IFT80: variants seen among roughly 807,000 people sequenced by gnomAD.
IFT80 encodes the protein intraflagellar transport 80.
A neutral mutation model predicts 107.9 loss-of-function variants in IFT80; 79 were observed. That is an observed-to-expected ratio of 0.73 (90% CI 0.61 to 0.88). IFT80 has a LOEUF of 0.88. Ranked by LOEUF, IFT80 falls within the 40% of genes least tolerant of loss-of-function variation. The pLI is 0.00. For missense variants in IFT80, 797 were observed against 914.2 expected (o/e 0.87, Z 1.65); for synonymous variants, 299 against 300.9 (o/e 0.99, Z 0.07).
At chr3:160,304,807 C>T (rs1330321040) in intron 10 of IFT80, among the ~76,000 whole-genome samples, 1 of 152,132 alleles carries the variant, frequency 6.6e-6, no homozygotes, top group East Asian at 1.9e-4. Context: ...TGATGACTTA[C>T]ATTTTGTCTG....
At chr3:160,385,911 A>C (rs370290889) in intron 1 of IFT80, among the ~76,000 whole-genome samples, 2 of 152,222 alleles carry the variant, frequency 1.3e-5, no homozygotes, top group South Asian at 2.1e-4. Context: ...GCAGATAAAT[A>C]TTTGCTTCTG....
intron 11 of IFT80, among the ~76,000 whole-genome samples, chr3:160,301,758 A>G (rs777264066): frequency 2.0e-5 from 3 of 151,932 alleles, no homozygotes; most frequent in Non-Finnish European, 2.9e-5. Flanking sequence ...TTCCTTTGAA[A>G]ATTTATGAAT....
At chr3:160,288,034 T>C (rs558438305) in intron 12 of IFT80, among the ~76,000 whole-genome samples, 17 of 152,302 alleles carry the variant, frequency 1.1e-4, no homozygotes, top group African/African-American at 4.1e-4. Flanking sequence ...GAAAAAAATC[T>C]TTAAACAGTT....
chr3:160,277,277 T>C (rs751156760), intron 18 of IFT80, 29 bp downstream of exon 18: 1 of 1,594,816 alleles, frequency 6.3e-7, no homozygotes, highest in Non-Finnish European at 8.6e-7. Context: ...CAAACAGATT[T>C]TGGAACTGAT....
At chr3:160,380,352 G>A (rs1461417974) in intron 3 of IFT80, among the ~76,000 whole-genome samples, 2 of 152,048 alleles carry the variant, frequency 1.3e-5, no homozygotes, top group African/African-American at 2.4e-5. Context: ...TATGACCCAA[G>A]CTCATTAAGG....
intron 5 of IFT80, chr3:160,373,676 GGGGTGATGGGA>G (rs1474621069): frequency 5.8e-6 from 1 of 172,634 alleles, no homozygotes; most frequent in Non-Finnish European, 1.2e-5. Context: ...GTCACTGCTG[GGGGTGATGGGA>G]GACAGTGACA....
At chr3:160,259,355 C>T (rs1343983866) in intron 19 of IFT80, among the ~76,000 whole-genome samples, 3 of 152,172 alleles carry the variant, frequency 2.0e-5, no homozygotes, top group African/African-American at 4.8e-5. Flanking sequence ...AAAAGTGGAC[C>T]GGACTCTGGT....
chr3:160,315,086 AGGGAAAAAG>A, intron 9 of IFT80, among the ~76,000 whole-genome samples: 1 of 97,410 alleles, frequency 1.0e-5, no homozygotes, highest in South Asian at 4.0e-4. Context: ...GGAGGGAGGG[AGGGAAAAAG>A]AGAGAGAGAA....
At chr3:160,277,049 G>C (rs1714322138) in intron 18 of IFT80, among the ~76,000 whole-genome samples, 2 of 152,122 alleles carry the variant, frequency 1.3e-5, no homozygotes, top group South Asian at 4.1e-4. Context: ...ATGGTATGGT[G>C]TCATGATCTC....
chr3:160,322,606 A>G lies in IFT80; in HGVS notation c.778-2667T>C, dbSNP rs1209334148. Among the ~76,000 whole-genome samples the G allele has an allele frequency of 1.1e-4, 17 of 152,194 alleles. No individual in the cohort carries two copies. In the East Asian group the frequency reaches 1.4e-3, roughly 12 times the overall value. On this transcript the variant is annotated intron_variant, in intron 8 of 19. Transcript: ENST00000326448. Reference sequence around the variant, plus strand: ...TCTAGTTCTAGATCCCTGAGGAATCACCACACTGACTTCCACAAGGGTTGA... The same window carrying G: ...TCTAGTTCTAGATCCCTGAGGAATCGCCACACTGACTTCCACAAGGGTTGA...
At chr3:160,294,856 T>C (rs1427527112) in intron 12 of IFT80, among the ~76,000 whole-genome samples, 1 of 152,182 alleles carries the variant, frequency 6.6e-6, no homozygotes, top group Non-Finnish European at 1.5e-5. Flanking sequence ...TTTTTAGAGT[T>C]AGTGGAGGAA....
At chr3:160,279,531 AT>A (rs1714527871) in intron 15 of IFT80, among the ~76,000 whole-genome samples, 167 bp from the exon 16 acceptor site, 1 of 152,236 alleles carries the variant, frequency 6.6e-6, no homozygotes, top group Non-Finnish European at 1.5e-5. Context: ...TTCAAAAAAA[AT>A]TTCAATGTAT....
At chr3:160,328,317 C>A (rs1044776627) in intron 8 of IFT80, among the ~76,000 whole-genome samples, 2 of 151,858 alleles carry the variant, frequency 1.3e-5, no homozygotes, top group Non-Finnish European at 2.9e-5. Context: ...CAAAAATTAG[C>A]CAGGCATGGT....
intron 12 of IFT80, among the ~76,000 whole-genome samples, chr3:160,297,842 T>C (rs1173770652): frequency 1.3e-5 from 2 of 152,260 alleles, no homozygotes; most frequent in East Asian, 3.9e-4. Flanking sequence ...CGTCTACTTT[T>C]TCCATAACTG....
chr3:160,261,778 G>T (rs1712855797), intron 19 of IFT80, among the ~76,000 whole-genome samples: 1 of 149,196 alleles, frequency 6.7e-6, no homozygotes, highest in African/African-American at 2.5e-5. Flanking sequence ...CTCCAGCCTG[G>T]GCAACAAAGT....
intron 11 of IFT80, among the ~76,000 whole-genome samples, chr3:160,301,782 A>C (rs1455078426): frequency 6.6e-6 from 1 of 151,962 alleles, no homozygotes; most frequent in Non-Finnish European, 1.5e-5. Flanking sequence ...GTACAAAATA[A>C]TTCAAGCAAT....
At position 160,374,518 on chromosome 3, in the gene IFT80, T is replaced by C. The variant is rs1162646672; in HGVS notation, c.439+1294A>G. Among the ~76,000 whole-genome samples, 6 of 151,954 alleles carry C rather than the reference T, an allele frequency of 3.9e-5. No individual in the cohort carries two copies. The South Asian group carries it at 1.0e-3, about 26-fold the overall frequency. ...ATCTGTGTCATCTACAGGCAACAAA[T>C]TGATAGAAGAAAGAGAAAAGAAAGG... On this transcript the variant is annotated intron_variant, in intron 5 of 19. Coordinates refer to ENST00000326448, the MANE Select transcript of IFT80 (RefSeq NM_020800.3).
At chr3:160,315,457 T>C (rs181275071) in intron 9 of IFT80, among the ~76,000 whole-genome samples, 10 of 152,324 alleles carry the variant, frequency 6.6e-5, no homozygotes, top group Admixed American at 1.3e-4. Flanking sequence ...GGAAGCCCTC[T>C]GGGGAGGTAT....
intron 11 of IFT80, among the ~76,000 whole-genome samples, chr3:160,303,218 A>G (rs1220182766): frequency 6.6e-6 from 1 of 152,192 alleles, no homozygotes; most frequent in African/African-American, 2.4e-5. Flanking sequence ...ATAATTTTTA[A>G]CAAGTTTTAT....
Sources: allele counts gnomAD v4.1 joint callset (sites outside exome capture counted in the v4.1 genomes callset), GRCh38; gene constraint gnomAD v4.1.1; transcripts MANE v1.5; gene names NCBI Gene and HGNC (gene_info 2026-07-23, HGNC 2026-07-21).